The following RXFP1 variants were observed in gnomAD, a reference collection of about 807,000 sequenced individuals.
RXFP1 encodes the protein relaxin receptor 1.
RXFP1 carries 73 observed loss-of-function variants against 89.8 expected under a neutral mutation model. That is an observed-to-expected ratio of 0.81 (90% CI 0.67 to 0.99). The LOEUF (loss-of-function observed/expected upper bound fraction) is 0.99, where lower values mean the gene tolerates loss of function less well. RXFP1 is among the 50% of genes least tolerant of loss of function. The probability of loss-of-function intolerance (pLI) is 0.00; values close to 1 mark genes in which losing one functional copy is unlikely to be tolerated. For synonymous variants in RXFP1, 277 were observed against 305.5 expected (o/e 0.91, Z 0.97); for missense variants, 793 against 895.5 (o/e 0.89, Z 1.46).
intron 1 of RXFP1, among the ~76,000 whole-genome samples, chr4:158,548,945 C>T (rs1290156578): frequency 4.6e-5 from 7 of 151,668 alleles, no homozygotes; most frequent in Non-Finnish European, 7.4e-5. Flanking sequence ...TTGCTCTTCT[C>T]GAGGAGTATC....
intron 13 of RXFP1, 91 bp from the exon 14 acceptor site, chr4:158,639,169 A>G (rs1325200663): frequency 1.4e-6 from 1 of 726,542 alleles, no homozygotes; most frequent in Non-Finnish European, 2.4e-6. Flanking sequence ...AACTAAAAGC[A>G]TTTTATTAAA....
At chr4:158,589,540 G>T (rs1179948568) in intron 2 of RXFP1, among the ~76,000 whole-genome samples, 1 of 152,262 alleles carries the variant, frequency 6.6e-6, no homozygotes, top group South Asian at 2.1e-4. Flanking sequence ...AAGGGCCTGA[G>T]GAGAGTTGGC....
At chr4:158,634,549 CT>C (rs1220287308) in intron 12 of RXFP1, among the ~76,000 whole-genome samples, 1 of 151,976 alleles carries the variant, frequency 6.6e-6, no homozygotes, top group Non-Finnish European at 1.5e-5. Context: ...TTTTAAATTT[CT>C]TTTTTTGTTA....
chr4:158,621,145 A>G (rs1283887769), intron 9 of RXFP1, among the ~76,000 whole-genome samples: 7 of 152,162 alleles, frequency 4.6e-5, no homozygotes, highest in Admixed American at 4.6e-4. Flanking sequence ...CAAAAAAAAA[A>G]TAAAAAATAA....
At chr4:158,619,667 T>C (rs1223636720) in intron 9 of RXFP1, among the ~76,000 whole-genome samples, 1 of 151,998 alleles carries the variant, frequency 6.6e-6, no homozygotes, top group Non-Finnish European at 1.5e-5. Flanking sequence ...AACACAAAAC[T>C]CCACCTTCTT....
intron 1 of RXFP1, among the ~76,000 whole-genome samples, chr4:158,550,577 T>C (rs1218954720): frequency 6.6e-6 from 1 of 152,224 alleles, no homozygotes; most frequent in East Asian, 1.9e-4. Context: ...GCTGTTCCTA[T>C]TCAGCCATCT....
chr4:158,639,373 T>C (rs868509587), intron 14 of RXFP1, 42 bp downstream of exon 14: 1 of 1,105,952 alleles, frequency 9.0e-7, no homozygotes, highest in Non-Finnish European at 1.4e-6. Context: ...ATGTTAATAT[T>C]TGTTTCCATG....
chr4:158,628,834 A>G (rs1767453538), intron 11 of RXFP1, 125 bp downstream of exon 11: 5 of 450,800 alleles, frequency 1.1e-5, no homozygotes, highest in East Asian at 3.6e-5. Context: ...TTATTTACAT[A>G]TATACACCTC....
At chr4:158,637,961 C>G (rs1376070596) in intron 12 of RXFP1, 47 bp from the exon 13 acceptor site, 2 of 1,129,130 alleles carry the variant, frequency 1.8e-6, no homozygotes, top group Admixed American at 3.5e-5. Flanking sequence ...TCGCTTTACT[C>G]ATGTAGTTTT....
At chr4:158,556,848 T>C (rs968260713) in intron 1 of RXFP1, among the ~76,000 whole-genome samples, 1 of 152,208 alleles carries the variant, frequency 6.6e-6, no homozygotes, top group Non-Finnish European at 1.5e-5. Context: ...AAATTCTGCA[T>C]GATCGCATTC....
chr4:158,634,745 A>G (rs1768808159), intron 12 of RXFP1, among the ~76,000 whole-genome samples: 1 of 152,134 alleles, frequency 6.6e-6, no homozygotes. Context: ...ATTCTTTTGC[A>G]TGTGGATGTC....
chr4:158,612,323 C>G lies in RXFP1; in HGVS notation c.641C>G (p.Ser214Cys), dbSNP rs1763731498. 5 of 1,612,150 alleles carry G rather than the reference C, an allele frequency of 3.1e-6. No individual in the cohort carries two copies. The highest frequency in any genetic ancestry group is 3.4e-6 in the Non-Finnish European group (4 of 1,178,860). The part of the protein sequence containing the change: ...IIEDNHLSRI[S>C]PPTFYGLNSL... ...GAAGATAATCACCTCAGTCGAATTT[C>G]CCCACCAACATTTTATGGACTAAAT... The change falls in exon 8 of 18, where the codon TCC becomes TGC. Residue 214 changes from serine (S) to cysteine (C), a missense_variant. Transcript: ENST00000307765.
chr4:158,542,932 G>C lies in RXFP1; in HGVS notation c.49+20907G>C, dbSNP rs372403078. Among the ~76,000 whole-genome samples, 11 of 152,120 alleles carry C rather than the reference G, an allele frequency of 7.2e-5. No homozygotes were observed. The South Asian group carries it at 2.1e-3, about 29-fold the overall frequency. ...AAAGTCCATATGGACAGTAAGAGGG[G>C]AACTACAGACACTGGGGCCTACTTG... On this transcript the variant is annotated intron_variant, in intron 1 of 17. Transcript: ENST00000307765.
intron 1 of RXFP1, among the ~76,000 whole-genome samples, chr4:158,537,087 A>C (rs183842444): frequency 3.6e-4 from 55 of 152,154 alleles, no homozygotes; most frequent in African/African-American, 1.2e-3. Flanking sequence ...AAACCTAGCT[A>C]AACTAGAAAA....
intron 15 of RXFP1, among the ~76,000 whole-genome samples, chr4:158,646,124 T>C (rs530752958): frequency 6.6e-6 from 1 of 152,234 alleles, no homozygotes; most frequent in Non-Finnish European, 1.5e-5. Context: ...ATATGCCAAG[T>C]AGTGTAAGAG....
At chr4:158,616,064 G>A (rs1764506688) in intron 8 of RXFP1, among the ~76,000 whole-genome samples, 2 of 152,298 alleles carry the variant, frequency 1.3e-5, no homozygotes, top group Admixed American at 6.5e-5. Context: ...TCAATGCAAG[G>A]TTGCCACAAA....
chr4:158,608,466 G>GA (rs200471347), intron 6 of RXFP1, among the ~76,000 whole-genome samples: 40 of 128,684 alleles, frequency 3.1e-4, no homozygotes, highest in Admixed American at 3.8e-4. Flanking sequence ...CTCTGACAAA[G>GA]AAAAAAAAAA....
intron 15 of RXFP1, 132 bp from the exon 16 acceptor site, chr4:158,646,659 G>A: frequency 1.4e-6 from 2 of 1,446,062 alleles, no homozygotes; most frequent in Non-Finnish European, 1.8e-6. Context: ...ATTATTAGGA[G>A]AATAAAAATT....
intron 1 of RXFP1, among the ~76,000 whole-genome samples, chr4:158,531,358 T>C (rs1743999748): frequency 6.6e-6 from 1 of 152,212 alleles, no homozygotes; most frequent in South Asian, 2.1e-4. Context: ...TTCTCTCTCT[T>C]TGATCCAAGG....
Sources: allele counts gnomAD v4.1 joint callset (sites outside exome capture counted in the v4.1 genomes callset), GRCh38; gene constraint gnomAD v4.1.1; transcripts MANE v1.5; gene names NCBI Gene and HGNC (gene_info 2026-07-23, HGNC 2026-07-21).